The following DAB1 variants were observed in gnomAD, a reference collection of about 807,000 sequenced individuals.
DAB1 encodes disabled homolog 1.
In DAB1, 15 loss-of-function variants were observed where a neutral mutation model predicts 64.6. The ratio of observed to expected loss-of-function variants is 0.23; its 90% confidence interval spans 0.16 to 0.36. The LOEUF (loss-of-function observed/expected upper bound fraction) is 0.36. Among genes scored for constraint, DAB1 ranks in the 10% least tolerant of loss-of-function variants. The pLI is 1.00. For synonymous variants in DAB1, 235 were observed against 251.9 expected, an observed-to-expected ratio of 0.93 and a Z score of 0.64; for missense variants, 596 against 706.7, an observed-to-expected ratio of 0.84 and a Z score of 1.78.
intron 4 of DAB1, among the ~76,000 whole-genome samples, chr1:58,176,921 G>A (rs1570450507): frequency 6.6e-6 from 1 of 151,716 alleles, no homozygotes; most frequent in Non-Finnish European, 1.5e-5. Flanking sequence ...GGAGCTTGCA[G>A]TGAGCTGAGA....
intron 5 of DAB1, among the ~76,000 whole-genome samples, chr1:57,967,928 C>T (rs1239470896): frequency 6.6e-6 from 1 of 152,134 alleles, no homozygotes; most frequent in Middle Eastern, 3.4e-3. Context: ...TTTGCATTTT[C>T]GTATATAAAA....
chr1:58,237,786 G>T (rs909266980), intron 4 of DAB1, among the ~76,000 whole-genome samples: 1 of 152,140 alleles, frequency 6.6e-6, no homozygotes, highest in Non-Finnish European at 1.5e-5. Context: ...ATAGCAAATA[G>T]AAATGTCATA....
rs188401350 is a variant in DAB1 at position 57,910,710 on chromosome 1, G to A, written n.388-26548C>T. On this transcript the variant is annotated intron_variant and non_coding_transcript_variant, in intron 5 of 20. Transcript: ENST00000485760. ...TACCAATATACCCTAATAGATGCTCGTGTATGTTCAACTAAGCCACTTCCC... is the reference window on the plus strand; with the variant it reads ...TACCAATATACCCTAATAGATGCTCATGTATGTTCAACTAAGCCACTTCCC... Among the ~76,000 whole-genome samples, 27 of 152,260 alleles carry A rather than the reference G, an allele frequency of 1.8e-4. 1 individual carries two copies. In the East Asian group the frequency reaches 4.1e-3, roughly 23 times the overall value.
chr1:57,731,220 T>C (rs374991928), intron 6 of DAB1, among the ~76,000 whole-genome samples: 1 of 152,176 alleles, frequency 6.6e-6, no homozygotes, highest in Admixed American at 6.5e-5. Flanking sequence ...GTCAGTCACA[T>C]AAGGGCAAAT....
chr1:57,832,067 C>T (rs1342957529), intron 1 of DAB1, among the ~76,000 whole-genome samples: 1 of 152,124 alleles, frequency 6.6e-6, no homozygotes, highest in African/African-American at 2.4e-5. Context: ...TATACACTTG[C>T]ATATGTACAC....
At chr1:57,592,728 A>G (rs1054012560) in intron 7 of DAB1, among the ~76,000 whole-genome samples, 2 of 152,212 alleles carry the variant, frequency 1.3e-5, no homozygotes, top group African/African-American at 4.8e-5. Context: ...GGCTAAAACA[A>G]CACAGATGTA....
At chr1:57,058,108 T>C (rs1650018593) in intron 9 of DAB1, among the ~76,000 whole-genome samples, 1 of 152,170 alleles carries the variant, frequency 6.6e-6, no homozygotes, top group East Asian at 1.9e-4. Context: ...CTTTGCCTGA[T>C]GCTGAGTTCC....
intron 5 of DAB1, among the ~76,000 whole-genome samples, chr1:57,974,948 G>GGC (rs1201688022): frequency 5.3e-5 from 8 of 152,142 alleles, no homozygotes; most frequent in African/African-American, 1.9e-4. Flanking sequence ...GAGATACAAA[G>GGC]GCCTAGTCCC....
At chr1:58,524,753 T>C (rs1380206805) in intron 2 of DAB1, among the ~76,000 whole-genome samples, 1 of 152,204 alleles carries the variant, frequency 6.6e-6, no homozygotes, top group Non-Finnish European at 1.5e-5. Flanking sequence ...CTGGGAACAT[T>C]TCCAGTATCA....
intron 5 of DAB1, among the ~76,000 whole-genome samples, chr1:58,082,160 C>G (rs150547402): frequency 5.9e-5 from 9 of 152,252 alleles, no homozygotes; most frequent in African/African-American, 1.9e-4. Flanking sequence ...CCCAGCAACA[C>G]GAAACTATAG....
At chr1:58,439,079 G>A (rs532752890) in intron 3 of DAB1, among the ~76,000 whole-genome samples, 98 of 150,096 alleles carry the variant, frequency 6.5e-4, no homozygotes, top group African/African-American at 2.3e-3. Context: ...CAGAGATATC[G>A]TTCCCCACCC....
chr1:57,292,299 A>G (rs1672840160), intron 1 of DAB1, among the ~76,000 whole-genome samples: 1 of 152,170 alleles, frequency 6.6e-6, no homozygotes, highest in Non-Finnish European at 1.5e-5. Context: ...GTAAAGCTTC[A>G]ATATGAGGAA....
intron 3 of DAB1, among the ~76,000 whole-genome samples, chr1:58,464,992 G>C (rs1057443931): frequency 4.6e-5 from 7 of 152,204 alleles, no homozygotes; most frequent in Admixed American, 6.5e-5. Context: ...GCTCATCAAA[G>C]CCTTTCCAGA....
chr1:58,480,053 T>C, intron 3 of DAB1, among the ~76,000 whole-genome samples: 1 of 152,200 alleles, frequency 6.6e-6, no homozygotes, highest in Admixed American at 6.5e-5. Flanking sequence ...AGTTTGGGAA[T>C]ACAAATATTA....
chr1:57,381,357 G>A (rs530877027), intron 1 of DAB1, among the ~76,000 whole-genome samples: 1 of 152,290 alleles, frequency 6.6e-6, no homozygotes, highest in East Asian at 1.9e-4. Context: ...CTTACATCTA[G>A]TCAACAAGAG....
intron 2 of DAB1, among the ~76,000 whole-genome samples, chr1:57,263,214 C>G (rs1221024579): frequency 2.0e-5 from 3 of 151,840 alleles, no homozygotes; most frequent in African/African-American, 7.3e-5. Flanking sequence ...CTCCTGGGTT[C>G]AAGCGATTCT....
chr1:57,535,787 C>T (rs1239439608), intron 7 of DAB1, among the ~76,000 whole-genome samples: 1 of 152,194 alleles, frequency 6.6e-6, no homozygotes, highest in African/African-American at 2.4e-5. Flanking sequence ...AACACTCAGC[C>T]ATAGTGCTAC....
chr1:57,484,998 C>G (rs1018689251), intron 7 of DAB1, among the ~76,000 whole-genome samples: 1 of 152,186 alleles, frequency 6.6e-6, no homozygotes, highest in African/African-American at 2.4e-5. Context: ...CTGGCACTGA[C>G]TCTCACAAAT....
At position 58,334,342 on chromosome 1, in the gene DAB1, C is replaced by T. The variant is rs181269054; in HGVS notation, n.309+9010G>A. Among the ~76,000 whole-genome samples, 121 of 152,182 alleles carry T rather than the reference C, an allele frequency of 8.0e-4. 1 individual carries two copies. Among genetic ancestry groups the T allele is most frequent in the Admixed American group, 1.7e-3 (26 of 15,278 alleles). On this transcript the variant is annotated intron_variant and non_coding_transcript_variant, in intron 4 of 20. Coordinates refer to the DAB1 transcript ENST00000485760. The stretch of plus-strand genomic sequence containing the variant: ...TGAATCCAGCCCAACTGATCCACGA[C>T]GTCATGTAACATAAGCAAGAAATAA...
Sources: allele counts gnomAD v4.1 joint callset (sites outside exome capture counted in the v4.1 genomes callset), GRCh38; gene constraint gnomAD v4.1.1; transcripts MANE v1.5; gene names NCBI Gene and HGNC (gene_info 2026-07-23, HGNC 2026-07-21).